The following ADAMTS2 variants were observed in gnomAD, a reference collection of about 807,000 sequenced individuals.
The protein encoded by ADAMTS2 is A disintegrin and metalloproteinase with thrombospondin motifs 2.
Under a neutral mutation model 123.0 loss-of-function variants are expected in ADAMTS2, and 50 were observed. The ratio of observed to expected loss-of-function variants is 0.41; its 90% CI spans 0.32 to 0.51. The LOEUF (loss-of-function observed/expected upper bound fraction) is 0.51, where lower values mean the gene tolerates loss of function less well. ADAMTS2 is among the 20% of genes least tolerant of loss of function. The pLI is 0.35. For synonymous variants in ADAMTS2, 678 were observed against 695.4 expected, an observed-to-expected ratio of 0.98 and a Z score of 0.39; for missense variants, 1,494 against 1,705.2, an observed-to-expected ratio of 0.88 and a Z score of 2.18.
intron 3 of ADAMTS2, among the ~76,000 whole-genome samples, chr5:179,253,534 T>C (rs1765975069): frequency 6.6e-6 from 1 of 151,338 alleles, no homozygotes; most frequent in Non-Finnish European, 1.5e-5. Context: ...TAATCCCAGC[T>C]GCTAGGGAGG....
At chr5:179,253,499 C>T (rs576327888) in intron 3 of ADAMTS2, among the ~76,000 whole-genome samples, 22 of 152,048 alleles carry the variant, frequency 1.4e-4, no homozygotes, top group Non-Finnish European at 1.3e-4. Flanking sequence ...CAAAAAAATT[C>T]GGGGGGTGTG....
rs1756926522 is a variant in ADAMTS2 at position 179,314,501 on chromosome 5, CAG to C, written c.534+29264_534+29265del. On this transcript the variant is annotated intron_variant, in intron 2 of 21. Transcript: ENST00000251582. This position sits in a 1 kb window ranked among gnomAD's most constrained non-coding sequence, Gnocchi z 4.5. ...AGTAGTAAATGCACCGTGCTGTACT[CAG>C]AGCCCAGGAAGCAGCCCTCCCACCC... 6.6e-6 allele frequency among the ~76,000 whole-genome samples: 1 copy of C among 152,182 alleles called. No homozygotes were observed. The highest frequency in any genetic ancestry group is 1.5e-5 in the Non-Finnish European group (1 of 68,004).
chr5:179,320,044 A>G (rs1049948382), intron 2 of ADAMTS2, among the ~76,000 whole-genome samples: 5 of 152,082 alleles, frequency 3.3e-5, no homozygotes, highest in East Asian at 1.9e-4. Flanking sequence ...CAACCTCCCC[A>G]GCCTTCTGTT....
At chr5:179,183,266 T>C (rs1764090161) in intron 4 of ADAMTS2, among the ~76,000 whole-genome samples, 1 of 152,220 alleles carries the variant, frequency 6.6e-6, no homozygotes, top group African/African-American at 2.4e-5. Context: ...GTCCACAGTA[T>C]TGCTTTCTCT....
At chr5:179,288,080 C>T (rs1040870293) in intron 2 of ADAMTS2, among the ~76,000 whole-genome samples, 1 of 152,230 alleles carries the variant, frequency 6.6e-6, no homozygotes, top group African/African-American at 2.4e-5. Context: ...TTTTCCCAGC[C>T]AGAGGACCCC....
intron 4 of ADAMTS2, among the ~76,000 whole-genome samples, chr5:179,192,624 C>T (rs1217060514): frequency 6.6e-6 from 1 of 152,228 alleles, no homozygotes; most frequent in Non-Finnish European, 1.5e-5. Context: ...CCAGCATGGG[C>T]AGCCCCCAGG....
In ADAMTS2 at chr5:179,155,026, C is replaced by G. The variant is rs1581157485; in HGVS notation, c.1133-107G>C. On this transcript the variant is annotated intron_variant, in intron 6 of 21. Coordinates refer to ENST00000251582, the MANE Select transcript of ADAMTS2 (RefSeq NM_014244.5). This position sits in a 1 kb window ranked among gnomAD's most constrained non-coding sequence, Gnocchi z 5.1. ...CTTCTCCTCAAGGCCCCAATGCCCT[C>G]TCTACCACAGGCAACTGCCCCCGGC... 2 of 1,003,130 alleles carry G rather than the reference C, an allele frequency of 2.0e-6. No individual in the cohort carries two copies. The highest frequency in any genetic ancestry group is 3.1e-6 in the Non-Finnish European group (2 of 649,660). The allele number at this position is 1,003,130 out of a possible 1,614,324, so 62.1% of individuals were successfully genotyped here.
intron 2 of ADAMTS2, among the ~76,000 whole-genome samples, chr5:179,295,907 G>C (rs991526938): frequency 6.6e-6 from 1 of 152,198 alleles, no homozygotes; most frequent in Non-Finnish European, 1.5e-5. Context: ...GTGGAGACAG[G>C]TGGGGCTGTG....
Position 179,189,901 on chromosome 5 carries a change from C to A in ADAMTS2, c.892-8746G>T, listed in dbSNP as rs972366444. Among the ~76,000 whole-genome samples, 1 of 149,610 alleles carries A rather than the reference C, an allele frequency of 6.7e-6. No homozygotes were observed. Among genetic ancestry groups the A allele is most frequent in the East Asian group, 2.0e-4 (1 of 5,106 alleles). On this transcript the variant is annotated intron_variant, in intron 4 of 21. Transcript: ENST00000251582. This position sits in a 1 kb window ranked among gnomAD's most constrained non-coding sequence, Gnocchi z 4.2. ...AGTAGATTCACAAGGGCGGGTCCGG[C>A]GGGGGCGGGTGGCAATATCACAAAG...
At chr5:179,342,676 G>A (rs974987666) in intron 2 of ADAMTS2, among the ~76,000 whole-genome samples, 6 of 152,214 alleles carry the variant, frequency 3.9e-5, no homozygotes, top group South Asian at 2.1e-4. Flanking sequence ...CAATTAGAGC[G>A]GAACCCATGG....
intron 2 of ADAMTS2, among the ~76,000 whole-genome samples, chr5:179,329,242 G>A (rs984565202): frequency 3.4e-4 from 52 of 151,238 alleles, no homozygotes; most frequent in African/African-American, 1.2e-3. Context: ...CAGGAGAATG[G>A]CGTGAACCCA....
intron 3 of ADAMTS2, among the ~76,000 whole-genome samples, chr5:179,214,766 T>G (rs536791762): frequency 6.6e-6 from 1 of 152,234 alleles, no homozygotes; most frequent in South Asian, 2.1e-4. Context: ...GGACTGGAAG[T>G]TGGTCCTCCT....
intron 4 of ADAMTS2, 38 bp downstream of exon 4, chr5:179,207,475 T>TGGCCCC: frequency 3.4e-6 from 2 of 588,618 alleles, no homozygotes; most frequent in Non-Finnish European, 3.2e-6. Flanking sequence ...TGGTTGACCC[T>TGGCCCC]CCCCGCCCCA....
Position 179,207,502 on chromosome 5 carries a change from A to ACC in ADAMTS2, c.891+9_891+10dup. On this transcript the variant is annotated intron_variant, in intron 4 of 21. Coordinates refer to ENST00000251582, the MANE Select transcript of ADAMTS2 (RefSeq NM_014244.5). ...CCCGCCCCACCCTGCCCCCTCAGCCACCCCACTCACAATGTTCATGAGTGT... is the reference window on the plus strand; with the variant it reads ...CCCGCCCCACCCTGCCCCCTCAGCCACCCCCCACTCACAATGTTCATGAGTGT... 2.7e-6 allele frequency: 2 copies of ACC among 727,532 alleles called. No individual in the cohort carries two copies. Among genetic ancestry groups the ACC allele is most frequent in the Non-Finnish European group, 4.1e-6 (2 of 493,608 alleles). The allele number at this position is 727,532 out of a possible 1,614,324, so 45.1% of individuals were successfully genotyped here. A position where few individuals can be genotyped will look rare whatever the true frequency, so the allele number is the denominator to read the frequency against.
Position 179,153,926 on chromosome 5 carries a change from G to C in ADAMTS2, c.1382+123C>G. ...ACAGGTGTGCCCTCTCTCCTCCCCC[G>C]CACACAAGCTTAGAGGACCTGAGGT... is the stretch of plus-strand genomic sequence containing the variant. On this transcript the variant is annotated intron_variant, in intron 8 of 21. Transcript: ENST00000251582. 9 of 1,354,218 alleles carry C rather than the reference G, an allele frequency of 6.6e-6. No individual in the cohort carries two copies. The South Asian group carries it at 1.1e-4, about 16-fold the overall frequency. 83.9% of individuals were successfully genotyped at this position (1,354,218 alleles called of 1,614,324 possible).
At chr5:179,184,509 T>TC (rs1290290563) in intron 4 of ADAMTS2, among the ~76,000 whole-genome samples, 8 of 91,412 alleles carry the variant, frequency 8.8e-5, no homozygotes, top group African/African-American at 3.2e-4. Context: ...AGACTCTGTC[T>TC]AAAAAAAAAA....
chr5:179,141,827 C>T (rs919764757), intron 10 of ADAMTS2, among the ~76,000 whole-genome samples: 12 of 152,176 alleles, frequency 7.9e-5, no homozygotes, highest in Non-Finnish European at 2.9e-5. Flanking sequence ...GGGCCCCCTT[C>T]CCCCACCCAG....
intron 3 of ADAMTS2, among the ~76,000 whole-genome samples, chr5:179,253,976 G>A (rs1213931410): frequency 6.6e-6 from 1 of 152,148 alleles, no homozygotes; most frequent in South Asian, 2.1e-4. Flanking sequence ...AGAGGTGATC[G>A]GAGCCCCCTC....
chr5:179,239,087 T>C (rs1214527901), intron 3 of ADAMTS2, among the ~76,000 whole-genome samples: 1 of 152,098 alleles, frequency 6.6e-6, no homozygotes, highest in Non-Finnish European at 1.5e-5. Context: ...GTGACCTGTA[T>C]AGTATGTGAA....
Sources: allele counts gnomAD v4.1 joint callset (sites outside exome capture counted in the v4.1 genomes callset), GRCh38; gene constraint gnomAD v4.1.1; non-coding constraint Gnocchi (gnomAD v3.1); transcripts MANE v1.5; gene names NCBI Gene and HGNC (gene_info 2026-07-23, HGNC 2026-07-21).